The following FGFR2 variants were observed in gnomAD, a reference collection of about 807,000 sequenced individuals.
FGFR2 encodes the protein BEK fibroblast growth factor receptor.
A neutral mutation model predicts 95.9 loss-of-function variants in FGFR2; 19 were observed. That is an observed-to-expected ratio of 0.20 (90% CI 0.14 to 0.29). FGFR2 has a LOEUF of 0.29. FGFR2 is among the 10% of genes least tolerant of loss of function. The pLI is 1.00. For synonymous variants in FGFR2, 392 were observed against 393.3 expected (o/e 1.00, Z 0.04); for missense variants, 707 against 1,056.9 (o/e 0.67, Z 4.59).
chr10:121,558,192 C>T (rs1037661513), intron 4 of FGFR2, among the ~76,000 whole-genome samples: 1 of 152,148 alleles, frequency 6.6e-6, no homozygotes, highest in African/African-American at 2.4e-5. Flanking sequence ...CTAGTTGCTG[C>T]CAGATAACCC....
intron 2 of FGFR2, among the ~76,000 whole-genome samples, chr10:121,590,455 T>C (rs1434082573): frequency 1.3e-5 from 2 of 152,184 alleles, no homozygotes; most frequent in Admixed American, 1.3e-4. Flanking sequence ...TCAATAACCA[T>C]GTTTTCACTC....
Position 121,496,862 on chromosome 10 carries a change from G to C in FGFR2, c.1673-140C>G, listed in dbSNP as rs1265815288. On this transcript the variant is annotated intron_variant, in intron 12 of 17. Transcript: ENST00000358487. Reference sequence around the variant, plus strand: ...TTAACATACAGCGGCTGGGCGTGGTGCCTCATATCTGTAATCCCAGCCCTT... The same window carrying C: ...TTAACATACAGCGGCTGGGCGTGGTCCCTCATATCTGTAATCCCAGCCCTT... 32 of 746,026 alleles carry C rather than the reference G, an allele frequency of 4.3e-5. No homozygotes were observed. In the Admixed American group the frequency reaches 8.1e-4, roughly 19 times the overall value. The allele number at this position is 746,026 out of a possible 1,614,324, so 46.2% of individuals were successfully genotyped here. A position where few individuals can be genotyped will look rare whatever the true frequency, so the allele number is the denominator to read the frequency against.
chr10:121,587,253 A>G (rs1861968412), intron 2 of FGFR2, among the ~76,000 whole-genome samples: 1 of 152,170 alleles, frequency 6.6e-6, no homozygotes, highest in East Asian at 1.9e-4. Context: ...ACAAAAAATC[A>G]CCTCAAGATG....
intron 5 of FGFR2, among the ~76,000 whole-genome samples, chr10:121,544,675 A>T (rs748609412): frequency 1.3e-5 from 2 of 152,126 alleles, no homozygotes; most frequent in African/African-American, 2.4e-5. Context: ...GGGGAGGGGA[A>T]ATGAGTACTT....
chr10:121,539,566 C>A (rs1181533928), intron 5 of FGFR2, among the ~76,000 whole-genome samples: 1 of 152,136 alleles, frequency 6.6e-6, no homozygotes, highest in East Asian at 1.9e-4. Flanking sequence ...TTTTCCTTAC[C>A]ACAAAATGCA....
intron 10 of FGFR2, 142 bp from the exon 11 acceptor site, chr10:121,501,089 T>A: frequency 8.8e-7 from 1 of 1,133,034 alleles, no homozygotes; most frequent in South Asian, 1.4e-5. Flanking sequence ...AGACTTAGGG[T>A]ACACACGCGC....
rs372348666 is a variant in FGFR2, at chr10:121,515,166, G to A, written c.1238C>T (p.Pro413Leu). The change falls in exon 9 of 18, where the codon CCG (proline) becomes CTG (leucine). Residue 413 changes from proline to leucine, a missense_variant. By Grantham distance (98) the Pro-to-Leu change is moderately conservative. Transcript: ENST00000358487. ...TTKKPDFSSQPAVHKLTKRIP... is the reference protein window; with the variant it reads ...TTKKPDFSSQLAVHKLTKRIP... ...ACGTTTGGTCAGCTTGTGCACAGCCGGCTGGCTGCTGAAGTCTGGCTTCTT... is the reference window on the plus strand; with the variant it reads ...ACGTTTGGTCAGCTTGTGCACAGCCAGCTGGCTGCTGAAGTCTGGCTTCTT... The A allele has an allele frequency of 1.4e-5, 23 of 1,614,004 alleles. No individual in the cohort carries two copies. Among genetic ancestry groups the A allele is most frequent in the African/African-American group, 2.7e-5 (2 of 74,896 alleles).
intron 12 of FGFR2, 77 bp from the exon 13 acceptor site, chr10:121,496,799 G>T: frequency 2.3e-4 from 263 of 1,155,358 alleles, no homozygotes; most frequent in Non-Finnish European, 3.0e-4. Flanking sequence ...AACATTTTTA[G>T]TTATTACAAC....
chr10:121,558,809 G>A (rs911069291), intron 4 of FGFR2, among the ~76,000 whole-genome samples: 7 of 151,976 alleles, frequency 4.6e-5, no homozygotes, highest in Non-Finnish European at 8.8e-5. Flanking sequence ...GGCTGGTCTC[G>A]AACTCCTGAC....
Position 121,582,219 on chromosome 10 carries a change from T to C in FGFR2, c.109+11490A>G, listed in dbSNP as rs548727555. Reference sequence around the variant, plus strand: ...TGCTGGGATTACAGGCGTGAGCCACTGCACCCAGTCCTAGCCCTTCATTTT... The same window carrying C: ...TGCTGGGATTACAGGCGTGAGCCACCGCACCCAGTCCTAGCCCTTCATTTT... On this transcript the variant is annotated intron_variant, in intron 2 of 17. Transcript: ENST00000358487. Among the ~76,000 whole-genome samples the C allele has an allele frequency of 1.7e-3, 262 of 152,182 alleles. 1 individual carries two copies. Among genetic ancestry groups the C allele is most frequent in the African/African-American group, 6.1e-3 (255 of 41,514 alleles).
chr10:121,491,726 C>T (rs898240509), intron 13 of FGFR2, among the ~76,000 whole-genome samples: 7 of 151,908 alleles, frequency 4.6e-5, no homozygotes, highest in African/African-American at 1.5e-4. Context: ...AAAAATTAGC[C>T]GGGCGTGGTG....
At chr10:121,595,504 T>G (rs1266948399) in intron 1 of FGFR2, among the ~76,000 whole-genome samples, 2 of 152,168 alleles carry the variant, frequency 1.3e-5, no homozygotes, top group African/African-American at 4.8e-5. Flanking sequence ...ACATGGTGTG[T>G]GCGTGCACGG....
intron 5 of FGFR2, among the ~76,000 whole-genome samples, chr10:121,549,832 C>A (rs1006624949): frequency 1.3e-5 from 2 of 152,200 alleles, no homozygotes; most frequent in African/African-American, 2.4e-5. Flanking sequence ...AGCCTCAACC[C>A]TTCCTTGCTT....
intron 2 of FGFR2, among the ~76,000 whole-genome samples, chr10:121,589,380 T>C (rs1040256758): frequency 2.0e-5 from 3 of 152,236 alleles, no homozygotes; most frequent in African/African-American, 4.8e-5. Context: ...AGTTATTTCA[T>C]AGCCATGTAA....
At chr10:121,566,052 G>A (rs1857624508) in intron 2 of FGFR2, 1 of 398,882 alleles carries the variant, frequency 2.5e-6, no homozygotes, top group Non-Finnish European at 4.7e-6. Flanking sequence ...CTGTTATTGT[G>A]GTATGTTTTA....
chr10:121,515,332 T>A lies in FGFR2; in HGVS notation c.1085-13A>T, dbSNP rs41295573. 2.2e-4 allele frequency: 350 copies of A among 1,613,472 alleles called. 1 individual carries two copies. The East Asian group carries it at 6.7e-3, about 31-fold the overall frequency. ...TCTCTTCCAGGCGCTAGATTGCAGA[T>A]CACAGGAGGAGGAACAGATAAGCAG... On this transcript the variant is annotated splice_polypyrimidine_tract_variant and intron_variant, in intron 8 of 17. Transcript: ENST00000358487.
chr10:121,504,383 T>C (rs1848011915), intron 9 of FGFR2, among the ~76,000 whole-genome samples: 1 of 152,210 alleles, frequency 6.6e-6, no homozygotes, highest in Admixed American at 6.5e-5. Flanking sequence ...CTACGAAAAC[T>C]TTTAGGAAAT....
At chr10:121,515,498 C>T (rs1231583732) in intron 8 of FGFR2, among the ~76,000 whole-genome samples, 179 bp from the exon 9 acceptor site, 1 of 152,036 alleles carries the variant, frequency 6.6e-6, no homozygotes, top group African/African-American at 2.4e-5. Context: ...ATTTGACCAC[C>T]AGGACCCAGG....
intron 5 of FGFR2, among the ~76,000 whole-genome samples, chr10:121,549,116 G>A (rs1364452599): frequency 4.6e-5 from 7 of 152,102 alleles, no homozygotes; most frequent in East Asian, 3.9e-4. Flanking sequence ...CCCACCATGC[G>A]TTCTTAGAAA....
Sources: gnomAD v4.1 joint callset for allele counts (sites outside exome capture counted in the v4.1 genomes callset) on GRCh38, gnomAD v4.1.1 for gene constraint, MANE v1.5 for transcripts, NCBI Gene and HGNC (gene_info 2026-07-23, HGNC 2026-07-21) for gene names.